GRID2: variants seen among roughly 807,000 people sequenced by gnomAD.
The protein encoded by GRID2 is glutamate receptor ionotropic, delta-2.
In GRID2, 33 loss-of-function variants were observed where a neutral mutation model predicts 114.8. That is an observed-to-expected ratio of 0.29 (90% CI 0.22 to 0.38). GRID2 has a LOEUF of 0.38. GRID2 is among the 10% of genes least tolerant of loss of function. The pLI is 1.00. For missense variants in GRID2, 1,184 were observed against 1,257.7 expected, an observed-to-expected ratio of 0.94 and a Z score of 0.89; for synonymous variants, 505 against 449.9, an observed-to-expected ratio of 1.12 and a Z score of -1.55.
At chr4:93,741,255 C>A (rs1237373198) in intron 14 of GRID2, among the ~76,000 whole-genome samples, 2 of 138,834 alleles carry the variant, frequency 1.4e-5, no homozygotes, top group Non-Finnish European at 3.1e-5. Context: ...CTCAATGGAC[C>A]AAGATACAGA....
At chr4:93,418,461 G>C (rs1221445092) in intron 9 of GRID2, among the ~76,000 whole-genome samples, 1 of 151,880 alleles carries the variant, frequency 6.6e-6, no homozygotes, top group Non-Finnish European at 1.5e-5. Flanking sequence ...CTCCTTTGTA[G>C]TTTCCAGTTT....
At chr4:92,548,779 T>C (rs1005276203) in intron 1 of GRID2, among the ~76,000 whole-genome samples, 3 of 152,056 alleles carry the variant, frequency 2.0e-5, no homozygotes, top group Non-Finnish European at 4.4e-5. Flanking sequence ...TCTGGTCATA[T>C]TCTGGGGACA....
At chr4:92,552,981 A>G (rs1726670343) in intron 1 of GRID2, among the ~76,000 whole-genome samples, 3 of 152,216 alleles carry the variant, frequency 2.0e-5, no homozygotes, top group African/African-American at 4.8e-5. Context: ...ATTTGCTCAC[A>G]TAAGTGAAAC....
At chr4:93,007,972 T>A (rs917911447) in intron 2 of GRID2, among the ~76,000 whole-genome samples, 1 of 149,230 alleles carries the variant, frequency 6.7e-6, no homozygotes, top group African/African-American at 2.5e-5. Context: ...GAAGTGGAGG[T>A]TGCAGTGAGC....
At chr4:93,624,972 C>T (rs78601683) in intron 13 of GRID2, among the ~76,000 whole-genome samples, 11,050 of 152,164 alleles carry the variant, frequency 0.073, 1,008 homozygotes, top group African/African-American at 0.22. Context: ...TTCCTCATTG[C>T]AATGCCCACC....
At chr4:92,698,040 T>C (rs1052064683) in intron 2 of GRID2, among the ~76,000 whole-genome samples, 2 of 152,168 alleles carry the variant, frequency 1.3e-5, no homozygotes, top group African/African-American at 4.8e-5. Context: ...AAAAAGTTAC[T>C]GTGTAAAGAA....
At chr4:93,735,925 G>T (rs1461487363) in intron 14 of GRID2, among the ~76,000 whole-genome samples, 2 of 151,928 alleles carry the variant, frequency 1.3e-5, no homozygotes, top group African/African-American at 4.8e-5. Flanking sequence ...TGTGTACTAT[G>T]CAGGGAAACT....
At chr4:92,807,130 A>T (rs1740458348) in intron 2 of GRID2, among the ~76,000 whole-genome samples, 1 of 152,008 alleles carries the variant, frequency 6.6e-6, no homozygotes, top group Admixed American at 6.6e-5. Flanking sequence ...GCCTCAATAT[A>T]TGTATTTGCC....
At chr4:92,720,617 T>A (rs72663545) in intron 2 of GRID2, among the ~76,000 whole-genome samples, 23,759 of 152,062 alleles carry the variant, frequency 0.16, 1,961 homozygotes, top group East Asian at 0.29. Context: ...ATTAACAAAG[T>A]TGTGTATCTT....
In GRID2 at chr4:93,456,369, T is replaced by C. The variant is rs149422012; in HGVS notation, c.1858+395T>C. ...TTACATATGTAAGAAATGTTAGGAC[T>C]TGTTCTTTGTTCAGAGACATTATTT... On this transcript the variant is annotated intron_variant, in intron 11 of 15. Coordinates refer to ENST00000282020, the MANE Select transcript of GRID2 (RefSeq NM_001510.4). Among the ~76,000 whole-genome samples the C allele has an allele frequency of 5.1e-3, 770 of 152,316 alleles. 6 individuals carry two copies. The highest frequency in any genetic ancestry group is 0.018 in the African/African-American group (739 of 41,566).
At chr4:93,806,021 C>G (rs190374479) in intron 1 of GRID2, among the ~76,000 whole-genome samples, 1 of 152,126 alleles carries the variant, frequency 6.6e-6, no homozygotes, top group African/African-American at 2.4e-5. Flanking sequence ...TGCTTGAATC[C>G]CAGAGGTGGA....
chr4:92,405,605 A>T (rs547941109), intron 1 of GRID2, among the ~76,000 whole-genome samples: 2 of 152,154 alleles, frequency 1.3e-5, no homozygotes, highest in South Asian at 4.1e-4. Context: ...ATTCATTTTT[A>T]TATATGTATA....
chr4:93,696,183 T>G (rs1043624284), intron 14 of GRID2, among the ~76,000 whole-genome samples: 1 of 152,196 alleles, frequency 6.6e-6, no homozygotes, highest in African/African-American at 2.4e-5. Context: ...CCCTTCTACA[T>G]CATCCGTTCT....
At chr4:93,426,220 A>C (rs1271447845) in intron 10 of GRID2, among the ~76,000 whole-genome samples, 1 of 152,184 alleles carries the variant, frequency 6.6e-6, no homozygotes, top group Non-Finnish European at 1.5e-5. Context: ...GGAAAGCATT[A>C]ATATCGTTAT....
chr4:92,591,037 G>T (rs1728686733), intron 2 of GRID2, among the ~76,000 whole-genome samples: 3 of 152,126 alleles, frequency 2.0e-5, no homozygotes, highest in Non-Finnish European at 4.4e-5. Context: ...GTTGATAATT[G>T]GGAAGGTCTG....
In GRID2 at chr4:92,352,195, G is replaced by T. The variant is rs113344575; in HGVS notation, c.88+47451G>T. Among the ~76,000 whole-genome samples, 663 of 151,870 alleles carry T rather than the reference G, an allele frequency of 4.4e-3. 8 individuals are homozygous for T. Among genetic ancestry groups the T allele is most frequent in the African/African-American group, 0.015 (624 of 41,452 alleles). On this transcript the variant is annotated intron_variant, in intron 1 of 15. Transcript: ENST00000282020. ...TTTGATAATAGCCATTCTAACTGGG[G>T]TGAGATGATATGGCATTGTGGTTTT...
intron 1 of GRID2, among the ~76,000 whole-genome samples, chr4:93,800,309 G>A (rs1734903004): frequency 6.6e-6 from 1 of 152,204 alleles, no homozygotes; most frequent in African/African-American, 2.4e-5. Flanking sequence ...TTACAAATGA[G>A]GATGGGAAAA....
At chr4:92,954,386 G>T (rs1752239103) in intron 2 of GRID2, among the ~76,000 whole-genome samples, 1 of 151,864 alleles carries the variant, frequency 6.6e-6, no homozygotes, top group East Asian at 1.9e-4. Context: ...GGGATCTTGG[G>T]ATAAGGAGTA....
At chr4:92,548,117 C>T (rs572963770) in intron 1 of GRID2, among the ~76,000 whole-genome samples, 43 of 152,096 alleles carry the variant, frequency 2.8e-4, no homozygotes, top group Admixed American at 4.6e-4. Flanking sequence ...TGAAGTTTAA[C>T]ATGGTCACTA....
Sources: allele counts gnomAD v4.1 joint callset (sites outside exome capture counted in the v4.1 genomes callset), GRCh38; gene constraint gnomAD v4.1.1; transcripts MANE v1.5; gene names NCBI Gene and HGNC (gene_info 2026-07-23, HGNC 2026-07-21).